Variants in ZNF608 observed in about 807,000 individuals in gnomAD.
ZNF608 encodes renal carcinoma antigen NY-REN-36.
ZNF608 carries 12 observed loss-of-function variants against 109.0 expected under a neutral mutation model. That is an observed-to-expected ratio of 0.11 (90% CI 0.07 to 0.18). ZNF608 has a LOEUF of 0.18. Ranked by LOEUF, ZNF608 falls within the 10% of genes least tolerant of loss-of-function variation. The probability of loss-of-function intolerance (pLI) is 1.00; values close to 1 mark genes in which losing one functional copy is unlikely to be tolerated. For synonymous variants in ZNF608, 732 were observed against 717.4 expected, an observed-to-expected ratio of 1.02 and a Z score of -0.33; for missense variants, 1,707 against 1,879.3, an observed-to-expected ratio of 0.91 and a Z score of 1.70.
At position 124,648,794 on chromosome 5, in the gene ZNF608, A is replaced by G. The variant is rs768480125; in HGVS notation, c.1590T>C (p.Thr530=). The change falls in exon 5 of 10, where the codon ACT becomes ACC. Residue 530 remains threonine, a synonymous_variant. Coordinates refer to ENST00000513986, the MANE Select transcript of ZNF608 (RefSeq NM_020747.3). ...CTGGTTTCCCTTGAGGGGTAGTGGG[A>G]GTGCTTCTGGAATTTGTGCGGACAC... ...GKRVRTNSRS[T]PTTPQGKPET... is the part of the protein sequence containing the mutation. 6.2e-7 allele frequency: 1 copy of G among 1,614,146 alleles called. No individual in the cohort carries two copies. Among genetic ancestry groups the G allele is most frequent in the Non-Finnish European group, 8.5e-7 (1 of 1,180,012 alleles).
chr5:124,641,478 G>T lies in ZNF608; in HGVS notation c.4297-73C>A, dbSNP rs183621783. ...CTTTTAAGAGTACTAAACCACCTTT[G>T]TCCCTTCGACAATATTGTGTTAATG... On this transcript the variant is annotated intron_variant, in intron 7 of 9. Coordinates refer to ENST00000513986, the MANE Select transcript of ZNF608 (RefSeq NM_020747.3). The T allele has an allele frequency of 3.7e-3, 5,324 of 1,442,786 alleles. 13 individuals carry two copies. Among genetic ancestry groups the T allele is most frequent in the Non-Finnish European group, 4.5e-3 (4,825 of 1,074,990 alleles). The allele number at this position is 1,442,786 out of a possible 1,614,324, so 89.4% of individuals were successfully genotyped here.
At chr5:124,678,129 A>C (rs1220748248) in intron 3 of ZNF608, among the ~76,000 whole-genome samples, 3 of 152,160 alleles carry the variant, frequency 2.0e-5, no homozygotes, top group Non-Finnish European at 4.4e-5. Flanking sequence ...TCAGCTTGTA[A>C]AGTTCAATTA....
At chr5:124,736,719 G>A (rs1561593375) in intron 2 of ZNF608, among the ~76,000 whole-genome samples, 1 of 152,222 alleles carries the variant, frequency 6.6e-6, no homozygotes, top group Non-Finnish European at 1.5e-5. Context: ...AGGGCCAGAT[G>A]TGCTTTTCCT....
chr5:124,682,942 G>A (rs1023694027), intron 3 of ZNF608, among the ~76,000 whole-genome samples: 6 of 151,926 alleles, frequency 3.9e-5, no homozygotes, highest in Non-Finnish European at 7.4e-5. Flanking sequence ...TACTTATAAC[G>A]AACAGAAGTA....
intron 3 of ZNF608, among the ~76,000 whole-genome samples, chr5:124,679,881 C>T (rs1034169769): frequency 9.2e-5 from 14 of 152,120 alleles, no homozygotes; most frequent in African/African-American, 2.7e-4. Context: ...CTGTCTTTTC[C>T]TAGGACTTTG....
chr5:124,746,804 G>C (rs929171417), upstream of ZNF608: 3 of 984,818 alleles, frequency 3.0e-6, no homozygotes, highest in Admixed American at 6.2e-5. Flanking sequence ...GAAAAGGAGG[G>C]GGGGAGTAGA....
Position 124,668,195 on chromosome 5 carries a change from A to AATATAT in ZNF608, c.1163-18504_1163-18499dup, listed in dbSNP as rs34612595. On this transcript the variant is annotated intron_variant, in intron 3 of 9. Coordinates refer to ENST00000513986, the MANE Select transcript of ZNF608 (RefSeq NM_020747.3). The stretch of plus-strand genomic sequence containing the variant: ...TATGGAGACCTTCTCTATGCTTAAA[A>AATATAT]ATATATATATATATATATATATTAT... Among the ~76,000 whole-genome samples the AATATAT allele has an allele frequency of 4.2e-3, 571 of 135,668 alleles. 2 individuals are homozygous for AATATAT. The highest frequency in any genetic ancestry group is 6.9e-3 in the Non-Finnish European group (447 of 64,350). 89.0% of individuals were successfully genotyped at this position (135,668 alleles called of 152,430 possible). A position where few individuals can be genotyped will look rare whatever the true frequency, so the allele number is the denominator to read the frequency against.
intron 2 of ZNF608, among the ~76,000 whole-genome samples, chr5:124,727,652 C>CAAA (rs369834437): frequency 9.7e-5 from 8 of 82,444 alleles, no homozygotes; most frequent in South Asian, 5.1e-4. Context: ...AAAATCAGAC[C>CAAA]AAAAAAAAAA....
chr5:124,716,981 C>G (rs1580686428), intron 2 of ZNF608, among the ~76,000 whole-genome samples: 3 of 152,132 alleles, frequency 2.0e-5, no homozygotes, highest in South Asian at 2.1e-4. Context: ...ACTCAGGAGG[C>G]TGAGGCAGGA....
intron 3 of ZNF608, among the ~76,000 whole-genome samples, chr5:124,662,194 T>C (rs1561544326): frequency 6.6e-6 from 1 of 152,258 alleles, no homozygotes; most frequent in Non-Finnish European, 1.5e-5. Context: ...GACGTTTGTC[T>C]TAAGTATTAA....
intron 3 of ZNF608, among the ~76,000 whole-genome samples, chr5:124,670,648 T>A (rs1470051509): frequency 6.6e-6 from 1 of 152,168 alleles, no homozygotes; most frequent in Non-Finnish European, 1.5e-5. Context: ...ACACTTTTCA[T>A]TAAGTTTATC....
intron 2 of ZNF608, among the ~76,000 whole-genome samples, chr5:124,711,398 CTT>C (rs1388313620): frequency 6.6e-6 from 1 of 152,132 alleles, no homozygotes; most frequent in Non-Finnish European, 1.5e-5. Flanking sequence ...TTTAAACTAA[CTT>C]TTTAATGAAA....
intron 2 of ZNF608, chr5:124,710,243 C>G (rs1055608577): frequency 2.2e-6 from 1 of 455,152 alleles, no homozygotes; most frequent in East Asian, 7.0e-5. Flanking sequence ...AAAGAAAAGC[C>G]CATTTTGGAA....
intron 3 of ZNF608, among the ~76,000 whole-genome samples, chr5:124,658,423 A>G (rs188807572): frequency 6.6e-6 from 1 of 152,364 alleles, no homozygotes; most frequent in East Asian, 1.9e-4. Flanking sequence ...GTCTGTATAC[A>G]TTTGTACCAA....
At chr5:124,656,881 C>T (rs887796393) in intron 3 of ZNF608, among the ~76,000 whole-genome samples, 2 of 149,868 alleles carry the variant, frequency 1.3e-5, no homozygotes, top group Admixed American at 1.3e-4. Flanking sequence ...CCCCATGGGC[C>T]TTATGGTTTA....
In ZNF608 at chr5:124,745,059, T is replaced by C; in HGVS notation, c.-70A>G. The stretch of plus-strand genomic sequence containing the variant: ...TTGGAGATGAGGGGACATTCGTTTA[T>C]CTCCGCTGGGCTTTCTCTCAAAGAA... On this transcript the variant is annotated 5_prime_UTR_variant, in exon 2 of 10. Coordinates refer to ENST00000513986, the MANE Select transcript of ZNF608 (RefSeq NM_020747.3). The C allele has an allele frequency of 6.6e-7, 1 of 1,521,880 alleles. No homozygotes were observed. Among genetic ancestry groups the C allele is most frequent in the Non-Finnish European group, 8.7e-7 (1 of 1,143,918 alleles). 94.3% of individuals were successfully genotyped at this position (1,521,880 alleles called of 1,614,324 possible). A position where few individuals can be genotyped will look rare whatever the true frequency, so the allele number is the denominator to read the frequency against.
At chr5:124,697,692 A>T (rs1352438668) in intron 3 of ZNF608, among the ~76,000 whole-genome samples, 1 of 152,194 alleles carries the variant, frequency 6.6e-6, no homozygotes, top group African/African-American at 2.4e-5. Flanking sequence ...TACTGGCAGT[A>T]ACACTAGGGG....
At chr5:124,739,802 C>T (rs929022024) in intron 2 of ZNF608, among the ~76,000 whole-genome samples, 1 of 152,150 alleles carries the variant, frequency 6.6e-6, no homozygotes, top group Non-Finnish European at 1.5e-5. Flanking sequence ...GCCATTCAAT[C>T]CCTCTTTTTC....
In ZNF608 at chr5:124,743,360, A is replaced by G. The variant is rs142974929; in HGVS notation, c.906+724T>C. On this transcript the variant is annotated intron_variant, in intron 2 of 9. Coordinates refer to ENST00000513986, the MANE Select transcript of ZNF608 (RefSeq NM_020747.3). The stretch of plus-strand genomic sequence containing the variant: ...TCCCCAGTCAGGTATCCAAGTGATA[A>G]CACTCTTAAATCTCTAGCTAAGAAC... Among the ~76,000 whole-genome samples the G allele has an allele frequency of 1.6e-4, 24 of 152,302 alleles. No homozygotes were observed. The East Asian group carries it at 4.6e-3, about 29-fold the overall frequency.
Sources: allele counts gnomAD v4.1 joint callset (sites outside exome capture counted in the v4.1 genomes callset), GRCh38; gene constraint gnomAD v4.1.1; transcripts MANE v1.5; gene names NCBI Gene and HGNC (gene_info 2026-07-23, HGNC 2026-07-21).